HIP1: variants seen among roughly 807,000 people sequenced by gnomAD.
The protein encoded by HIP1 is huntingtin interacting protein 1.
HIP1 carries 65 observed loss-of-function variants against 147.6 expected under a neutral mutation model. The ratio of observed to expected loss-of-function variants is 0.44; its 90% CI spans 0.36 to 0.54. The LOEUF (loss-of-function observed/expected upper bound fraction) is 0.54. Among genes scored for constraint, HIP1 ranks in the 20% least tolerant of loss-of-function variants. The pLI, the probability that HIP1 is intolerant of heterozygous loss-of-function variation, is 0.00. For missense variants in HIP1, 1,061 were observed against 1,299.6 expected (o/e 0.82, Z 2.82); for synonymous variants, 479 against 504.0 (o/e 0.95, Z 0.67).
intron 1 of HIP1, among the ~76,000 whole-genome samples, chr7:75,647,022 G>C (rs900899348): frequency 6.6e-6 from 1 of 151,928 alleles, no homozygotes; most frequent in African/African-American, 2.4e-5. Context: ...TCCTAAGAGG[G>C]AGGGCTTAGA....
chr7:75,657,422 C>T (rs183511552), intron 1 of HIP1, among the ~76,000 whole-genome samples: 3 of 149,734 alleles, frequency 2.0e-5, no homozygotes, highest in East Asian at 2.0e-4. Context: ...CCCAGCTACT[C>T]GGGAGGCTGA....
intron 1 of HIP1, among the ~76,000 whole-genome samples, chr7:75,708,753 T>C (rs1446262125): frequency 6.6e-6 from 1 of 152,170 alleles, no homozygotes; most frequent in Non-Finnish European, 1.5e-5. Context: ...TTTTAATTAC[T>C]ATAGTTTTAT....
In HIP1 at chr7:75,563,185, T is replaced by C; in HGVS notation, c.879+3A>G. 6.2e-7 allele frequency: 1 copy of C among 1,614,188 alleles called. No homozygotes were observed. Among genetic ancestry groups the C allele is most frequent in the East Asian group, 2.2e-5 (1 of 44,886 alleles). On this transcript the variant is annotated splice_donor_region_variant and intron_variant, in intron 10 of 30. Transcript: ENST00000336926. ...CCGAGGGTGTGTGGTTGGGCATGCT[T>C]ACCTCAGGCAGCTGGGGGATCTGAA...
At chr7:75,546,169 T>G (rs905780911) in intron 25 of HIP1, among the ~76,000 whole-genome samples, 2 of 151,366 alleles carry the variant, frequency 1.3e-5, no homozygotes, top group Non-Finnish European at 2.9e-5. Flanking sequence ...TCTCTGCGAT[T>G]TGCCAAAAAA....
At chr7:75,639,562 C>CGTGTGTGTGTGTGTGTGT (rs57827695) in intron 1 of HIP1, among the ~76,000 whole-genome samples, 48 of 137,470 alleles carry the variant, frequency 3.5e-4, no homozygotes, top group African/African-American at 1.2e-3. Context: ...CGCCAGGAAG[C>CGTGTGTGTGTGTGTGTGT]GTGTGTGTGT....
intron 4 of HIP1, among the ~76,000 whole-genome samples, chr7:75,589,718 C>CA (rs111865312): frequency 0.42 from 39,461 of 93,362 alleles, 9,615 homozygotes; most frequent in African/African-American, 0.65. Flanking sequence ...AAAAAAAAGA[C>CA]TTTTTTTTTG....
intron 7 of HIP1, 62 bp from the exon 8 acceptor site, chr7:75,573,963 G>A (rs1401195618): frequency 1.3e-6 from 2 of 1,483,100 alleles, no homozygotes; most frequent in African/African-American, 1.4e-5. Context: ...AGCCTCTTCA[G>A]AGGGGCAGAG....
intron 1 of HIP1, among the ~76,000 whole-genome samples, chr7:75,604,209 T>G (rs1367886593): frequency 6.6e-6 from 1 of 152,156 alleles, no homozygotes; most frequent in Admixed American, 6.6e-5. Flanking sequence ...CCGGAGCCCA[T>G]CAAGGTTGTC....
intron 4 of HIP1, among the ~76,000 whole-genome samples, chr7:75,589,296 C>T (rs1554500206): frequency 5.3e-5 from 8 of 151,898 alleles, no homozygotes; most frequent in Non-Finnish European, 1.2e-4. Context: ...AAAAATTATC[C>T]AGAATACAGC....
At position 75,581,915 on chromosome 7, in the gene HIP1, C is replaced by T. The variant is rs112877089; in HGVS notation, c.542+160G>A. ...CCAGGCAGGGGTTCTGGATGAGGCACCACCAATAAATAAGTAGCCCCAAGG... is the reference window on the plus strand; with the variant it reads ...CCAGGCAGGGGTTCTGGATGAGGCATCACCAATAAATAAGTAGCCCCAAGG... On this transcript the variant is annotated intron_variant, in intron 6 of 30. Transcript: ENST00000336926. Among the ~76,000 whole-genome samples, 126 of 152,294 alleles carry T rather than the reference C, an allele frequency of 8.3e-4. 1 individual carries two copies. Among genetic ancestry groups the T allele is most frequent in the African/African-American group, 2.8e-3 (115 of 41,568 alleles).
intron 1 of HIP1, among the ~76,000 whole-genome samples, chr7:75,726,985 A>G (rs1321595031): frequency 6.7e-6 from 1 of 150,238 alleles, no homozygotes; most frequent in Non-Finnish European, 1.5e-5. Context: ...CCAGTACCTT[A>G]TTAAATGTTA....
intron 3 of HIP1, 128 bp from the exon 4 acceptor site, chr7:75,592,240 A>G: frequency 7.2e-7 from 1 of 1,394,082 alleles, no homozygotes; most frequent in East Asian, 2.3e-5. Flanking sequence ...GACTCACCCA[A>G]CTCTAATGGG....
chr7:75,622,849 TTATCTATCTATCTATCTATC>T (rs57401190), intron 1 of HIP1, among the ~76,000 whole-genome samples: 15,357 of 146,262 alleles, frequency 0.1, 1,186 homozygotes, highest in African/African-American at 0.22. Context: ...AAATAAATAA[TTATCTATCTATCTATCTATC>T]TATCTATCTA....
chr7:75,577,365 A>AAAC (rs1795884596), intron 7 of HIP1, among the ~76,000 whole-genome samples: 1 of 151,296 alleles, frequency 6.6e-6, no homozygotes, highest in Admixed American at 6.6e-5. Context: ...GAGAAAAGAA[A>AAAC]AACAGCAGTG....
chr7:75,716,008 G>A (rs1288969816), intron 1 of HIP1, among the ~76,000 whole-genome samples: 1 of 151,934 alleles, frequency 6.6e-6, no homozygotes, highest in African/African-American at 2.4e-5. Context: ...AACAGAATGA[G>A]AACTCACTCA....
At chr7:75,646,100 G>A (rs2117174565) in intron 1 of HIP1, among the ~76,000 whole-genome samples, 1 of 151,708 alleles carries the variant, frequency 6.6e-6, no homozygotes, top group East Asian at 1.9e-4. Context: ...TTTTTTTTGA[G>A]ATAGAGTCTC....
intron 14 of HIP1, among the ~76,000 whole-genome samples, chr7:75,558,473 G>C (rs112276958): frequency 1.2e-4 from 18 of 152,228 alleles, no homozygotes; most frequent in African/African-American, 4.3e-4. Flanking sequence ...GAGTAGCTGG[G>C]TTCATGGGCA....
chr7:75,663,333 G>A lies in HIP1; in HGVS notation c.121-64086C>T, dbSNP rs570134197. Among the ~76,000 whole-genome samples the A allele has an allele frequency of 1.1e-3, 167 of 152,194 alleles. 1 individual carries two copies. The highest frequency in any genetic ancestry group is 3.9e-3 in the African/African-American group (160 of 41,536). On this transcript the variant is annotated intron_variant, in intron 1 of 30. Transcript: ENST00000336926. ...TAATGTCCAGACCAGGAGGGGTGGC[G>A]TACACCTATAGTCCCAGCTACTCAG...
chr7:75,693,513 C>T (rs1325918710), intron 1 of HIP1, among the ~76,000 whole-genome samples: 1 of 152,060 alleles, frequency 6.6e-6, no homozygotes, highest in Non-Finnish European at 1.5e-5. Context: ...ACCTTGAATT[C>T]TCTGAAAATG....
Sources: allele counts gnomAD v4.1 joint callset (sites outside exome capture counted in the v4.1 genomes callset), GRCh38; gene constraint gnomAD v4.1.1; transcripts MANE v1.5; gene names NCBI Gene and HGNC (gene_info 2026-07-23, HGNC 2026-07-21).